GABRA2: variants seen among roughly 807,000 people sequenced by gnomAD.
GABRA2 encodes the protein gamma-aminobutyric acid type A receptor subunit alpha2.
GABRA2 carries 16 observed loss-of-function variants against 48.7 expected under a neutral mutation model. The observed-to-expected ratio is 0.33, with a 90% CI of 0.22 to 0.50. The LOEUF (loss-of-function observed/expected upper bound fraction) is 0.50, where lower values mean the gene tolerates loss of function less well. Ranked by LOEUF, GABRA2 falls within the 20% of genes least tolerant of loss-of-function variation. The probability of loss-of-function intolerance (pLI) is 0.98; values close to 1 mark genes in which losing one functional copy is unlikely to be tolerated. For synonymous variants in GABRA2, 185 were observed against 184.5 expected, an observed-to-expected ratio of 1.00 and a Z score of -0.02; for missense variants, 275 against 535.6, an observed-to-expected ratio of 0.51 and a Z score of 4.80.
intron 9 of GABRA2, chr4:46,261,520 C>CA (rs1716977618): frequency 4.2e-6 from 1 of 240,854 alleles, no homozygotes; most frequent in Non-Finnish European, 8.1e-6. Flanking sequence ...ACTTAACAGT[C>CA]AGACAGGTAG....
intron 8 of GABRA2, among the ~76,000 whole-genome samples, chr4:46,264,989 A>G: frequency 8.6e-6 from 1 of 116,666 alleles, no homozygotes. Context: ...CTTTATACAT[A>G]TATATATATA....
At chr4:46,330,221 A>G (rs1213542355) in intron 4 of GABRA2, among the ~76,000 whole-genome samples, 2 of 152,106 alleles carry the variant, frequency 1.3e-5, no homozygotes, top group East Asian at 3.9e-4. Flanking sequence ...ATAAGAAAGC[A>G]TATCTTGAGT....
At chr4:46,313,118 A>AATAC (rs1727934357) in intron 4 of GABRA2, among the ~76,000 whole-genome samples, 1 of 30,372 alleles carries the variant, frequency 3.3e-5, no homozygotes, top group Non-Finnish European at 6.2e-5. Context: ...CCCAGTAGCA[A>AATAC]ATAAATAAAT....
At position 46,390,061 on chromosome 4, in the gene GABRA2, G is replaced by C. The variant is rs1460652418; in HGVS notation, c.-337C>G. ...CGATGACAGGAGCTGGGGCCGGGGG[G>C]GGAAATTGGGGGGACGCGGGCGGAG... On this transcript the variant is annotated 5_prime_UTR_variant, in exon 1 of 10. Transcript: ENST00000381620. 3.8e-5 allele frequency: 8 copies of C among 208,248 alleles called. No individual in the cohort carries two copies. The highest frequency in any genetic ancestry group is 1.3e-4 in the African/African-American group (5 of 39,748). 12.9% of individuals were successfully genotyped at this position (208,248 alleles called of 1,614,324 possible). A position where few individuals can be genotyped will look rare whatever the true frequency, so the allele number is the denominator to read the frequency against.
intron 3 of GABRA2, among the ~76,000 whole-genome samples, chr4:46,356,525 G>A (rs1735998905): frequency 6.6e-6 from 1 of 151,520 alleles, no homozygotes; most frequent in African/African-American, 2.4e-5. Flanking sequence ...AGCAATTACA[G>A]GGTGCATGGC....
In GABRA2 at chr4:46,246,365, T is replaced by C. The variant is rs7436966; in HGVS notation, c.*3943A>G. The stretch of plus-strand genomic sequence containing the variant: ...AATATTTACTTTAATTTTTAGAGCA[T>C]GAATTCAGTAGATAAAAATATGACT... On this transcript the variant is annotated 3_prime_UTR_variant, in exon 10 of 10. Coordinates refer to ENST00000381620, the MANE Select transcript of GABRA2 (RefSeq NM_000807.4). 2.6e-5 allele frequency among the ~76,000 whole-genome samples: 4 copies of C among 151,216 alleles called. No individual in the cohort carries two copies. The highest frequency in any genetic ancestry group is 1.3e-4 in the Admixed American group (2 of 15,102).
At chr4:46,311,679 A>T (rs1578005617) in intron 5 of GABRA2, among the ~76,000 whole-genome samples, 1 of 152,226 alleles carries the variant, frequency 6.6e-6, no homozygotes, top group African/African-American at 2.4e-5. Flanking sequence ...TGGCAATTTC[A>T]TATGGTTCAA....
At chr4:46,274,511 A>C (rs943687451) in intron 8 of GABRA2, among the ~76,000 whole-genome samples, 2 of 152,088 alleles carry the variant, frequency 1.3e-5, no homozygotes, top group African/African-American at 4.8e-5. Context: ...ATACATAGAG[A>C]AAAATGGGCC....
At chr4:46,352,881 T>G (rs545689214) in intron 3 of GABRA2, among the ~76,000 whole-genome samples, 1 of 152,202 alleles carries the variant, frequency 6.6e-6, no homozygotes, top group Admixed American at 6.5e-5. Context: ...AGAGTAAGTT[T>G]AACCCAGCTG....
intron 3 of GABRA2, among the ~76,000 whole-genome samples, chr4:46,371,578 A>G (rs1714898232): frequency 6.8e-6 from 1 of 148,104 alleles, no homozygotes; most frequent in Non-Finnish European, 1.5e-5. Flanking sequence ...TTTTCTACAT[A>G]CCATGTATAG....
chr4:46,374,736 T>C (rs539062732), intron 3 of GABRA2, among the ~76,000 whole-genome samples: 86 of 152,188 alleles, frequency 5.7e-4, no homozygotes, highest in African/African-American at 1.9e-3. Flanking sequence ...TGCATACTTA[T>C]ATATATCAGA....
At chr4:46,324,944 G>A (rs569889857) in intron 4 of GABRA2, among the ~76,000 whole-genome samples, 20 of 151,950 alleles carry the variant, frequency 1.3e-4, no homozygotes, top group African/African-American at 2.2e-4. Context: ...TACACAGACC[G>A]CATTTTCTTT....
chr4:46,342,100 T>C (rs992183825), intron 3 of GABRA2, among the ~76,000 whole-genome samples: 6 of 148,152 alleles, frequency 4.0e-5, no homozygotes, highest in Non-Finnish European at 9.0e-5. Flanking sequence ...ACAACAGAGT[T>C]GCAAGACTTG....
At chr4:46,262,713 G>T (rs1225230323) in intron 8 of GABRA2, among the ~76,000 whole-genome samples, 2 of 151,878 alleles carry the variant, frequency 1.3e-5, no homozygotes, top group African/African-American at 4.8e-5. Flanking sequence ...GCCTGGCCAA[G>T]ATGGTGAAAC....
At chr4:46,309,001 G>T (rs927594475) in intron 6 of GABRA2, among the ~76,000 whole-genome samples, 4 of 152,100 alleles carry the variant, frequency 2.6e-5, no homozygotes, top group African/African-American at 7.2e-5. Context: ...TGCATCTGCT[G>T]TGGTTTTCTC....
rs138054928 is a variant in GABRA2, at chr4:46,349,107, G to A, written c.188-16425C>T. Among the ~76,000 whole-genome samples, 875 of 151,958 alleles carry A rather than the reference G, an allele frequency of 5.8e-3. 5 individuals carry two copies. The highest frequency in any genetic ancestry group is 8.4e-3 in the Non-Finnish European group (569 of 67,920). Reference sequence around the variant, plus strand: ...TAGCAATAAAGTATATTTAGTTAATGTACATTTTTGAGACATAATGCTGTT... The same window carrying A: ...TAGCAATAAAGTATATTTAGTTAATATACATTTTTGAGACATAATGCTGTT... On this transcript the variant is annotated intron_variant, in intron 3 of 9. Coordinates refer to ENST00000381620, the MANE Select transcript of GABRA2 (RefSeq NM_000807.4).
At chr4:46,260,460 G>C (rs1191290605) in intron 9 of GABRA2, among the ~76,000 whole-genome samples, 5 of 151,770 alleles carry the variant, frequency 3.3e-5, no homozygotes, top group Admixed American at 1.3e-4. Flanking sequence ...AAAGTAAAGA[G>C]TTGAGGAGGC....
chr4:46,288,027 G>C (rs1407103296), intron 8 of GABRA2, among the ~76,000 whole-genome samples: 2 of 152,086 alleles, frequency 1.3e-5, no homozygotes, highest in Non-Finnish European at 2.9e-5. Flanking sequence ...ATATAAAACT[G>C]TCAGATCTCA....
intron 3 of GABRA2, chr4:46,366,427 C>T (rs1379495052): frequency 6.6e-6 from 1 of 152,080 alleles, no homozygotes; most frequent in East Asian, 1.9e-4. Flanking sequence ...GTGAGCTCCT[C>T]CTCCAAAGCA....
Sources: allele counts gnomAD v4.1 joint callset (sites outside exome capture counted in the v4.1 genomes callset), GRCh38; gene constraint gnomAD v4.1.1; transcripts MANE v1.5; gene names NCBI Gene and HGNC (gene_info 2026-07-23, HGNC 2026-07-21).